TGFB3: variants seen among roughly 807,000 people sequenced by gnomAD.
The protein encoded by TGFB3 is transforming growth factor beta 3, also known as transforming growth factor beta-3 proprotein.
Under a neutral mutation model 40.1 loss-of-function variants are expected in TGFB3, and 5 were observed. The observed-to-expected ratio is 0.12, with a 90% CI of 0.07 to 0.26. The LOEUF is 0.26. TGFB3 is among the 10% of genes least tolerant of loss of function. The pLI is 1.00. For missense variants in TGFB3, 373 were observed against 530.1 expected, an observed-to-expected ratio of 0.70 and a Z score of 2.91; for synonymous variants, 184 against 205.6, an observed-to-expected ratio of 0.89 and a Z score of 0.90.
At position 75,958,259 on chromosome 14, in the gene TGFB3, G is replaced by T. The variant is rs527830308; in HGVS notation, c.*928C>A. On this transcript the variant is annotated 3_prime_UTR_variant, in exon 7 of 7. Coordinates refer to ENST00000238682, the MANE Select transcript of TGFB3 (RefSeq NM_003239.5). Reference sequence around the variant, plus strand: ...GCGTCTGGGGCCAAGTCACTGTGTGGCACATGTGCAGCTTCCCCGAATGCC... The same window carrying T: ...GCGTCTGGGGCCAAGTCACTGTGTGTCACATGTGCAGCTTCCCCGAATGCC... 1 of 152,718 alleles carries T rather than the reference G, an allele frequency of 6.5e-6. No homozygotes were observed. Among genetic ancestry groups the T allele is most frequent in the Admixed American group, 6.5e-5 (1 of 15,296 alleles). 9.5% of individuals were successfully genotyped at this position (152,718 alleles called of 1,614,324 possible).
intron 3 of TGFB3, among the ~76,000 whole-genome samples, chr14:75,969,539 C>A (rs1214313380): frequency 6.6e-6 from 1 of 152,166 alleles, no homozygotes; most frequent in African/African-American, 2.4e-5. Flanking sequence ...ATGGTAAAAA[C>A]CATGAAGTTC....
At chr14:75,967,875 G>C (rs1020120594) in intron 3 of TGFB3, among the ~76,000 whole-genome samples, 2 of 152,126 alleles carry the variant, frequency 1.3e-5, no homozygotes, top group Non-Finnish European at 2.9e-5. Flanking sequence ...GAGACAAGGA[G>C]GGGTAAAGAG....
In TGFB3 at chr14:75,971,364, A is replaced by C; in HGVS notation, c.517-109T>G. 1 of 1,564,126 alleles carries C rather than the reference A, an allele frequency of 6.4e-7. No individual in the cohort carries two copies. ...AGCGATAGGAAACCAGTGGTTCCTG[A>C]ATGCCATGGCCCTCGAGCACCTTAG... On this transcript the variant is annotated intron_variant, in intron 2 of 6. Coordinates refer to ENST00000238682, the MANE Select transcript of TGFB3 (RefSeq NM_003239.5). This position sits in a 1 kb window ranked among gnomAD's most constrained non-coding sequence, Gnocchi z 4.5.
At chr14:75,970,412 T>C (rs1040209408) in intron 3 of TGFB3, among the ~76,000 whole-genome samples, 1 of 151,692 alleles carries the variant, frequency 6.6e-6, no homozygotes, top group African/African-American at 2.4e-5. Context: ...ACAAAAAAAT[T>C]AGCCAGGTGT....
chr14:75,967,200 G>A (rs2035230948), intron 3 of TGFB3, among the ~76,000 whole-genome samples: 1 of 152,206 alleles, frequency 6.6e-6, no homozygotes, highest in African/African-American at 2.4e-5. Flanking sequence ...CAGTCCTACT[G>A]GTTAAAACCC....
upstream of TGFB3, among the ~76,000 whole-genome samples, chr14:75,982,466 G>C (rs890261021): frequency 1.1e-4 from 16 of 152,148 alleles, no homozygotes; most frequent in African/African-American, 3.9e-4. The surrounding 1 kb of genome is among the most constrained non-coding windows in gnomAD (Gnocchi z 4.0). Context: ...CTGCGAGCCG[G>C]GTCGGAGGGT....
chr14:75,971,843 A>T lies in TGFB3; in HGVS notation c.353-125T>A. 1 of 1,013,204 alleles carries T rather than the reference A, an allele frequency of 9.9e-7. No homozygotes were observed. The highest frequency in any genetic ancestry group is 1.5e-6 in the Non-Finnish European group (1 of 670,656). 62.8% of individuals were successfully genotyped at this position (1,013,204 alleles called of 1,614,324 possible). On this transcript the variant is annotated intron_variant, in intron 1 of 6. Coordinates refer to ENST00000238682, the MANE Select transcript of TGFB3 (RefSeq NM_003239.5). The surrounding 1 kb of genome is among the most constrained non-coding windows in gnomAD (Gnocchi z 4.5). The stretch of plus-strand genomic sequence containing the variant: ...CACCTCCCTAGAGGCTTGAGGCCTC[A>T]GACCGCAAGGTGGAGATACGAGGAA...
chr14:75,960,804 T>C, intron 6 of TGFB3, 119 bp downstream of exon 6: 1 of 1,394,222 alleles, frequency 7.2e-7, no homozygotes, highest in Non-Finnish European at 9.9e-7. Context: ...ACCAGAGGAA[T>C]TTTACTCACC....
Position 75,981,979 on chromosome 14 carries a change from C to T in TGFB3, c.-1086G>A, listed in dbSNP as rs1472942135. On this transcript the variant is annotated 5_prime_UTR_variant, in exon 1 of 7. It adds an upstream start codon to the 5' untranslated region. Transcript: ENST00000238682. The surrounding 1 kb of genome is among the most constrained non-coding windows in gnomAD (Gnocchi z 4.7). Reference sequence around the variant, plus strand: ...TCCCTCTCTCTCTCACACACACACACATGCACACACACTGCTTTCTCTATT... The same window carrying T: ...TCCCTCTCTCTCTCACACACACACATATGCACACACACTGCTTTCTCTATT... 6.6e-6 allele frequency among the ~76,000 whole-genome samples: 1 copy of T among 151,864 alleles called. No individual in the cohort carries two copies. Among genetic ancestry groups the T allele is most frequent in the Non-Finnish European group, 1.5e-5 (1 of 67,970 alleles).
intron 1 of TGFB3, among the ~76,000 whole-genome samples, chr14:75,972,135 CATTT>C (rs2035301737): frequency 6.6e-6 from 1 of 152,198 alleles, no homozygotes; most frequent in African/African-American, 2.4e-5. Context: ...GGCATTCATT[CATTT>C]ATCAAAGATG....
Position 75,958,132 on chromosome 14 carries a change from C to A in TGFB3, c.*1055G>T, listed in dbSNP as rs757437714. On this transcript the variant is annotated 3_prime_UTR_variant, in exon 7 of 7. Transcript: ENST00000238682. Reference sequence around the variant, plus strand: ...AATAAGGCTTTTACTGTTCTAGAAACAATATTCCAGAAGATGAAATCATCC... The same window carrying A: ...AATAAGGCTTTTACTGTTCTAGAAAAAATATTCCAGAAGATGAAATCATCC... The A allele has an allele frequency of 2.6e-5, 4 of 152,616 alleles. No homozygotes were observed. The highest frequency in any genetic ancestry group is 5.9e-5 in the Non-Finnish European group (4 of 68,026). 9.5% of individuals were successfully genotyped at this position (152,616 alleles called of 1,614,324 possible).
At chr14:75,963,598 G>T (rs1227105304) in intron 4 of TGFB3, 111 bp from the exon 5 acceptor site, 8 of 1,331,806 alleles carry the variant, frequency 6.0e-6, no homozygotes, top group Middle Eastern at 2.4e-4. Flanking sequence ...AGTGCAGTCT[G>T]CGAGGGAGGT....
chr14:75,963,697 T>A (rs1482595541), intron 4 of TGFB3, among the ~76,000 whole-genome samples: 1 of 152,142 alleles, frequency 6.6e-6, no homozygotes, highest in Non-Finnish European at 1.5e-5. Flanking sequence ...AACTCATTAT[T>A]ATTGTAAGGA....
chr14:75,980,474 C>G lies in TGFB3; in HGVS notation c.352+68G>C. On this transcript the variant is annotated intron_variant, in intron 1 of 6. Transcript: ENST00000238682. The surrounding 1 kb of genome is among the most constrained non-coding windows in gnomAD (Gnocchi z 4.3). ...GCTGTGTGGCCAGCACTAGGCCCCC[C>G]TCTGCAGAGCTCCCAGCTCCAGTTC... The G allele has an allele frequency of 1.3e-6, 2 of 1,527,766 alleles. No individual in the cohort carries two copies. Among genetic ancestry groups the G allele is most frequent in the Non-Finnish European group, 1.8e-6 (2 of 1,102,064 alleles). 94.6% of individuals were successfully genotyped at this position (1,527,766 alleles called of 1,614,324 possible).
intron 1 of TGFB3, among the ~76,000 whole-genome samples, chr14:75,974,093 T>C (rs532821984): frequency 6.6e-5 from 10 of 151,912 alleles, no homozygotes; most frequent in Admixed American, 6.5e-5. Context: ...TGAGCTGAGG[T>C]GGTGCCATTG....
chr14:75,958,619 G>C lies in TGFB3; in HGVS notation c.*568C>G. 5.6e-6 allele frequency: 1 copy of C among 178,744 alleles called. No individual in the cohort carries two copies. The highest frequency in any genetic ancestry group is 1.2e-5 in the Non-Finnish European group (1 of 83,716). The allele number at this position is 178,744 out of a possible 1,614,324, so 11.1% of individuals were successfully genotyped here. A position where few individuals can be genotyped will look rare whatever the true frequency, so the allele number is the denominator to read the frequency against. ...ACCCACGATGTTAATTGATGTAGAG[G>C]ACAGTTTGCAAAAGTAATAGATTTG... On this transcript the variant is annotated 3_prime_UTR_variant, in exon 7 of 7. Transcript: ENST00000238682.
Position 75,980,824 on chromosome 14 carries a change from G to C in TGFB3, c.70C>G (p.Leu24Val). 6.2e-7 allele frequency: 1 copy of C among 1,614,182 alleles called. No homozygotes were observed. Among genetic ancestry groups the C allele is most frequent in the Non-Finnish European group, 8.5e-7 (1 of 1,180,030 alleles). The part of the protein sequence containing the change: ...LLNFATVSLS[L>V]STCTTLDFGH... ...AAGTCCAAGGTGGTGCAAGTGGACA[G>C]AGAGAGGCTGACCGTGGCAAAGTTC... is the stretch of plus-strand genomic sequence containing the variant. Residue 24 changes from leucine to valine, a missense_variant, in exon 1 of 7, where the codon CTG (leucine) becomes GTG (valine). Leu to Val is a conservative substitution (Grantham distance 32). Coordinates refer to ENST00000238682, the MANE Select transcript of TGFB3 (RefSeq NM_003239.5). The surrounding 1 kb of genome is among the most constrained non-coding windows in gnomAD (Gnocchi z 4.3).
At chr14:75,960,812 A>T in intron 6 of TGFB3, 111 bp downstream of exon 6, 1 of 1,450,294 alleles carries the variant, frequency 6.9e-7, no homozygotes, top group Non-Finnish European at 9.5e-7. Flanking sequence ...AATTTTACTC[A>T]CCCCAGACCA....
At chr14:75,964,706 A>G (rs1483720838) in intron 4 of TGFB3, among the ~76,000 whole-genome samples, 1 of 152,222 alleles carries the variant, frequency 6.6e-6, no homozygotes, top group African/African-American at 2.4e-5. Flanking sequence ...CAAGATAAGT[A>G]TTCACTGAAA....
Sources: allele counts gnomAD v4.1 joint callset (sites outside exome capture counted in the v4.1 genomes callset), GRCh38; gene constraint gnomAD v4.1.1; non-coding constraint Gnocchi (gnomAD v3.1); transcripts MANE v1.5; gene names NCBI Gene and HGNC (gene_info 2026-07-23, HGNC 2026-07-21).